The following LHPP variants were observed in gnomAD, a reference collection of about 807,000 sequenced individuals.
LHPP encodes hLHPP.
A neutral mutation model predicts 30.3 loss-of-function variants in LHPP; 24 were observed. That is an observed-to-expected ratio of 0.79 (90% CI 0.57 to 1.11). The LOEUF is 1.11. Ranked by LOEUF, LHPP falls within the 50% of genes most tolerant of loss-of-function variation. The pLI is 0.00. For missense variants in LHPP, 356 were observed against 367.2 expected, an observed-to-expected ratio of 0.97 and a Z score of 0.25; for synonymous variants, 150 against 157.1, an observed-to-expected ratio of 0.95 and a Z score of 0.34.
At chr10:124,577,672 AC>A (rs576649355) in intron 6 of LHPP, among the ~76,000 whole-genome samples, 1 of 152,110 alleles carries the variant, frequency 6.6e-6, no homozygotes, top group South Asian at 2.1e-4. Context: ...ATGTGTGCAC[AC>A]ATACATGCAC....
intron 6 of LHPP, chr10:124,526,068 G>A (rs139457934): frequency 1.8e-4 from 100 of 554,030 alleles, no homozygotes; most frequent in Admixed American, 9.5e-4. Flanking sequence ...GGAACGTGCA[G>A]GTCCCTCGAG....
intron 5 of LHPP, among the ~76,000 whole-genome samples, chr10:124,509,318 T>C (rs867866): frequency 0.68 from 103,058 of 152,052 alleles, 35,468 homozygotes; most frequent in African/African-American, 0.8. Flanking sequence ...CTTGACCATT[T>C]CCTATTGATG....
intron 5 of LHPP, among the ~76,000 whole-genome samples, chr10:124,506,039 T>A (rs186190265): frequency 6.6e-6 from 1 of 151,928 alleles, no homozygotes; most frequent in Non-Finnish European, 1.5e-5. Flanking sequence ...AGCCCAGGAG[T>A]TCGAGACCAG....
intron 4 of LHPP, 30 bp downstream of exon 4, chr10:124,497,054 C>A (rs760723583): frequency 6.3e-7 from 1 of 1,583,116 alleles, no homozygotes; most frequent in Admixed American, 1.7e-5. Flanking sequence ...CCCAAACTCT[C>A]TTCAGACCTC....
chr10:124,546,689 C>T (rs896200833), intron 6 of LHPP, among the ~76,000 whole-genome samples: 6 of 151,786 alleles, frequency 4.0e-5, no homozygotes, highest in Non-Finnish European at 7.4e-5. Flanking sequence ...GAATTACAGG[C>T]GTGAGCCACC....
At chr10:124,528,654 T>C (rs1434873788) in intron 6 of LHPP, among the ~76,000 whole-genome samples, 1 of 152,212 alleles carries the variant, frequency 6.6e-6, no homozygotes, top group Non-Finnish European at 1.5e-5. Flanking sequence ...CCACAGTGCC[T>C]GGCCTTCCCC....
chr10:124,529,524 G>A lies in LHPP; in HGVS notation c.716+12253G>A, dbSNP rs551997682. Among the ~76,000 whole-genome samples the A allele has an allele frequency of 2.7e-3, 408 of 152,222 alleles. 1 individual carries two copies. Among genetic ancestry groups the A allele is most frequent in the African/African-American group, 9.6e-3 (397 of 41,530 alleles). On this transcript the variant is annotated intron_variant, in intron 6 of 6. Coordinates refer to ENST00000368842, the MANE Select transcript of LHPP (RefSeq NM_022126.4). ...GTCAGTGGCACTGAGGCTGCTCTCC[G>A]ACTGTGGCATCCCCCATGTCTGTCC...
chr10:124,609,995 A>G (rs556377569), intron 6 of LHPP, among the ~76,000 whole-genome samples: 4 of 152,258 alleles, frequency 2.6e-5, no homozygotes, highest in African/African-American at 9.6e-5. Flanking sequence ...GTGAGGATGC[A>G]TTTCTGCTGT....
chr10:124,589,055 C>T (rs1006535), intron 6 of LHPP, among the ~76,000 whole-genome samples: 10,684 of 152,258 alleles, frequency 0.07, 487 homozygotes, highest in South Asian at 0.23. Context: ...TCATGGTGCC[C>T]CTCCCTTGAA....
At chr10:124,564,901 A>G (rs1374614615) in intron 6 of LHPP, among the ~76,000 whole-genome samples, 1 of 152,236 alleles carries the variant, frequency 6.6e-6, no homozygotes, top group Non-Finnish European at 1.5e-5. Flanking sequence ...TAAGTGAAGT[A>G]ACTCAGGAAT....
rs572638999 is a variant in LHPP, at chr10:124,559,010, C to T, written c.716+41739C>T. 9.2e-5 allele frequency among the ~76,000 whole-genome samples: 14 copies of T among 152,274 alleles called. 1 individual carries two copies. Among genetic ancestry groups the T allele is most frequent in the African/African-American group, 3.1e-4 (13 of 41,562 alleles). On this transcript the variant is annotated intron_variant, in intron 6 of 6. Coordinates refer to ENST00000368842, the MANE Select transcript of LHPP (RefSeq NM_022126.4). ...AGCTGGCTTCCTGCACCCGGGACAG[C>T]CCCAGTGGCCAGGCCTGGCCCTATT...
chr10:124,526,970 G>A (rs1181114352), intron 6 of LHPP, among the ~76,000 whole-genome samples: 2 of 152,198 alleles, frequency 1.3e-5, no homozygotes, highest in Non-Finnish European at 2.9e-5. Context: ...TAGCCAGGCC[G>A]GCCACCTGCC....
intron 6 of LHPP, among the ~76,000 whole-genome samples, chr10:124,557,933 C>A (rs1948330600): frequency 2.0e-5 from 3 of 152,170 alleles, no homozygotes; most frequent in Admixed American, 6.5e-5. Flanking sequence ...GCGTTGCCTG[C>A]AGCCTGGGGC....
chr10:124,497,102 G>A (rs1953738432), intron 4 of LHPP, 78 bp downstream of exon 4: 1 of 1,160,858 alleles, frequency 8.6e-7, no homozygotes, highest in African/African-American at 1.5e-5. Context: ...GTTGAGAAGA[G>A]GCTGTGCTTA....
intron 5 of LHPP, among the ~76,000 whole-genome samples, chr10:124,507,954 T>C (rs1589811673): frequency 7.0e-6 from 1 of 143,710 alleles, no homozygotes; most frequent in African/African-American, 2.6e-5. Flanking sequence ...GTGATCTTCA[T>C]GGCTCGCACC....
At chr10:124,610,447 T>C (rs375670344) in intron 6 of LHPP, among the ~76,000 whole-genome samples, 6 of 23,230 alleles carry the variant, frequency 2.6e-4, no homozygotes, top group Admixed American at 4.5e-4. Flanking sequence ...ATGCAGCGGG[T>C]GAGGGTGAGG....
chr10:124,504,409 C>T (rs1473808147), intron 5 of LHPP, among the ~76,000 whole-genome samples: 16 of 130,044 alleles, frequency 1.2e-4, no homozygotes, highest in African/African-American at 3.0e-4. Flanking sequence ...CTGGGCAACA[C>T]GGAAAAACCC....
At chr10:124,514,279 G>A (rs999474726) in intron 5 of LHPP, among the ~76,000 whole-genome samples, 2 of 152,186 alleles carry the variant, frequency 1.3e-5, no homozygotes, top group Admixed American at 6.5e-5. Flanking sequence ...AGGTCAGCAC[G>A]TGCCCACAAG....
chr10:124,604,287 C>A (rs1949065430), intron 6 of LHPP, among the ~76,000 whole-genome samples: 1 of 152,204 alleles, frequency 6.6e-6, no homozygotes, highest in Non-Finnish European at 1.5e-5. Context: ...CCTCGGGCAC[C>A]TGCCAGGGAC....
Sources: gnomAD v4.1 joint callset for allele counts (sites outside exome capture counted in the v4.1 genomes callset) on GRCh38, gnomAD v4.1.1 for gene constraint, MANE v1.5 for transcripts, NCBI Gene and HGNC (gene_info 2026-07-23, HGNC 2026-07-21) for gene names.